Variants in KCNH8 observed in about 807,000 individuals in gnomAD.
The protein encoded by KCNH8 is voltage-gated delayed rectifier potassium channel KCNH8.
A neutral mutation model predicts 103.6 loss-of-function variants in KCNH8; 70 were observed. The ratio of observed to expected loss-of-function variants is 0.68; its 90% CI spans 0.56 to 0.82. The LOEUF (loss-of-function observed/expected upper bound fraction) is 0.82. Among genes scored for constraint, KCNH8 ranks in the 40% least tolerant of loss-of-function variants. KCNH8 has a pLI of 0.00. For missense variants in KCNH8, 1,217 were observed against 1,329.9 expected (o/e 0.92, Z 1.32); for synonymous variants, 498 against 489.4 (o/e 1.02, Z -0.23).
chr3:19,423,860 T>A (rs1043297866), intron 7 of KCNH8, among the ~76,000 whole-genome samples: 5 of 152,186 alleles, frequency 3.3e-5, no homozygotes, highest in Non-Finnish European at 5.9e-5. Flanking sequence ...ATCTCCATAC[T>A]GTTTTCCATA....
At chr3:19,520,578 C>T (rs1037446495) in intron 15 of KCNH8, among the ~76,000 whole-genome samples, 1 of 151,834 alleles carries the variant, frequency 6.6e-6, no homozygotes, top group Non-Finnish European at 1.5e-5. Flanking sequence ...TTTAAAAGTC[C>T]AAGCCTAATT....
At chr3:19,264,391 TA>T (rs1182631077) in intron 2 of KCNH8, among the ~76,000 whole-genome samples, 1 of 152,132 alleles carries the variant, frequency 6.6e-6, no homozygotes, top group Non-Finnish European at 1.5e-5. Flanking sequence ...CTGAACAAGC[TA>T]CTCTGAGAGA....
At chr3:19,387,708 A>G (rs749766280) in intron 5 of KCNH8, among the ~76,000 whole-genome samples, 3 of 152,098 alleles carry the variant, frequency 2.0e-5, no homozygotes, top group Non-Finnish European at 4.4e-5. Flanking sequence ...CTGAAAATAA[A>G]CCAAAAAATT....
chr3:19,196,689 C>T (rs546397687), intron 1 of KCNH8, among the ~76,000 whole-genome samples: 26 of 152,018 alleles, frequency 1.7e-4, no homozygotes, highest in African/African-American at 5.8e-4. Context: ...GTGGAAGAAC[C>T]CAGTTTTTAG....
At chr3:19,414,990 C>T (rs951353553) in intron 7 of KCNH8, among the ~76,000 whole-genome samples, 2 of 151,770 alleles carry the variant, frequency 1.3e-5, no homozygotes, top group African/African-American at 4.8e-5. Context: ...CAGATAAAGC[C>T]CTTCAGTTCT....
At chr3:19,487,110 C>A (rs531600393) in intron 11 of KCNH8, among the ~76,000 whole-genome samples, 50 of 152,256 alleles carry the variant, frequency 3.3e-4, no homozygotes, top group Non-Finnish European at 5.4e-4. Context: ...TGAGCCAGGG[C>A]CTCCCTGAAG....
At chr3:19,165,557 G>T (rs1297442491) in intron 1 of KCNH8, among the ~76,000 whole-genome samples, 1 of 152,050 alleles carries the variant, frequency 6.6e-6, no homozygotes, top group East Asian at 1.9e-4. Context: ...TTACTCCTTA[G>T]GTAAAAACAG....
chr3:19,452,252 G>A (rs2067459939), intron 10 of KCNH8, among the ~76,000 whole-genome samples: 1 of 152,050 alleles, frequency 6.6e-6, no homozygotes, highest in South Asian at 2.1e-4. Flanking sequence ...GGCCATGGTG[G>A]CAGGAGCCTG....
chr3:19,404,102 T>TGGC (rs1235763307), intron 7 of KCNH8, among the ~76,000 whole-genome samples: 7 of 151,906 alleles, frequency 4.6e-5, no homozygotes, highest in Non-Finnish European at 1.0e-4. Context: ...GAACTTTAAT[T>TGGC]TCACCAAGTT....
intron 2 of KCNH8, among the ~76,000 whole-genome samples, chr3:19,276,175 ATGTGTGTGTGTGTGTGTGTGTGTG>A (rs59768467): frequency 7.0e-6 from 1 of 141,878 alleles, no homozygotes. Context: ...CAATATGTAT[ATGTGTGTGTGTGTGTGTGTGTGTG>A]TGTGTGTGTG....
rs555862484 is a variant in KCNH8, at chr3:19,288,976, G to T, written c.442+7647G>T. On this transcript the variant is annotated intron_variant, in intron 3 of 15. Coordinates refer to ENST00000328405, the MANE Select transcript of KCNH8 (RefSeq NM_144633.3). ...GGTTTTGATTTGCATTTCTCTGATG[G>T]CCAGTGATGATGAGCATTTTTTCAC... Among the ~76,000 whole-genome samples the T allele has an allele frequency of 1.8e-4, 27 of 152,232 alleles. No individual in the cohort carries two copies. In the South Asian group the frequency reaches 5.2e-3, roughly 29 times the overall value.
In KCNH8 at chr3:19,272,239, T is replaced by A. The variant is rs534712580; in HGVS notation, c.311-8959T>A. On this transcript the variant is annotated intron_variant, in intron 2 of 15. Coordinates refer to ENST00000328405, the MANE Select transcript of KCNH8 (RefSeq NM_144633.3). Reference sequence around the variant, plus strand: ...GAGCACCAGATGGTTCTACCAAGGCTGCATGCAGAAAGGAGGTTTGGTTCC... The same window carrying A: ...GAGCACCAGATGGTTCTACCAAGGCAGCATGCAGAAAGGAGGTTTGGTTCC... Among the ~76,000 whole-genome samples the A allele has an allele frequency of 1.3e-3, 200 of 152,144 alleles. 2 individuals carry two copies. In the South Asian group the frequency reaches 0.039, roughly 30 times the overall value.
intron 7 of KCNH8, among the ~76,000 whole-genome samples, chr3:19,435,146 T>C (rs1373507998): frequency 6.6e-6 from 1 of 152,156 alleles, no homozygotes; most frequent in African/African-American, 2.4e-5. Flanking sequence ...CATCATGTTG[T>C]ATACCATAAA....
At chr3:19,515,529 A>C in intron 14 of KCNH8, 101 bp downstream of exon 14, 1 of 497,468 alleles carries the variant, frequency 2.0e-6, no homozygotes. Flanking sequence ...TGTCCTTAGA[A>C]TATTCTCCCT....
At chr3:19,310,058 G>A (rs2065189107) in intron 3 of KCNH8, among the ~76,000 whole-genome samples, 1 of 151,940 alleles carries the variant, frequency 6.6e-6, no homozygotes, top group East Asian at 1.9e-4. Context: ...ACATTTATGA[G>A]GCAGGGCTAT....
At chr3:19,423,531 T>C (rs544644640) in intron 7 of KCNH8, among the ~76,000 whole-genome samples, 38 of 152,076 alleles carry the variant, frequency 2.5e-4, no homozygotes, top group Non-Finnish European at 3.8e-4. Context: ...CAGTATTTCA[T>C]TTTCCATTCC....
At chr3:19,188,072 T>A (rs1477096257) in intron 1 of KCNH8, among the ~76,000 whole-genome samples, 1 of 152,054 alleles carries the variant, frequency 6.6e-6, no homozygotes, top group Non-Finnish European at 1.5e-5. Flanking sequence ...CCACCACATG[T>A]TTTTTGTTAA....
chr3:19,325,458 A>G (rs1303614115), intron 3 of KCNH8, among the ~76,000 whole-genome samples: 2 of 152,222 alleles, frequency 1.3e-5, no homozygotes, highest in Non-Finnish European at 2.9e-5. Flanking sequence ...AAGGTCTAAT[A>G]TCCAGCATCT....
intron 11 of KCNH8, among the ~76,000 whole-genome samples, chr3:19,468,712 A>G (rs1221560354): frequency 6.6e-6 from 1 of 152,176 alleles, no homozygotes; most frequent in Non-Finnish European, 1.5e-5. Context: ...ATTTCCATGA[A>G]CTATTGAGTT....
Sources: gnomAD v4.1 joint callset for allele counts (sites outside exome capture counted in the v4.1 genomes callset) on GRCh38, gnomAD v4.1.1 for gene constraint, MANE v1.5 for transcripts, NCBI Gene and HGNC (gene_info 2026-07-23, HGNC 2026-07-21) for gene names.